Variants in ABAT observed in about 807,000 individuals in gnomAD.
ABAT encodes the protein 4-aminobutyrate aminotransferase, mitochondrial.
ABAT carries 45 observed loss-of-function variants against 64.6 expected under a neutral mutation model. The observed-to-expected ratio is 0.70, with a 90% CI of 0.55 to 0.89. The LOEUF is 0.89. ABAT is among the 40% of genes least tolerant of loss of function. ABAT has a pLI of 0.00. For synonymous variants in ABAT, 297 were observed against 250.5 expected (o/e 1.19, Z -1.75); for missense variants, 633 against 658.4 (o/e 0.96, Z 0.42).
chr16:8,703,963 C>A (rs1338928811), intron 1 of ABAT, among the ~76,000 whole-genome samples: 3 of 152,222 alleles, frequency 2.0e-5, no homozygotes, highest in African/African-American at 7.2e-5. Context: ...GGATCCTTAG[C>A]CTACAGTCTG....
intron 6 of ABAT, among the ~76,000 whole-genome samples, chr16:8,759,103 A>T (rs999908778): frequency 6.6e-6 from 1 of 152,072 alleles, no homozygotes; most frequent in African/African-American, 2.4e-5. Context: ...CTTTATCCCA[A>T]AAAATAATAA....
intron 4 of ABAT, among the ~76,000 whole-genome samples, chr16:8,748,737 A>G (rs1025195999): frequency 6.6e-6 from 1 of 152,010 alleles, no homozygotes; most frequent in Non-Finnish European, 1.5e-5. Context: ...TATAATTGTC[A>G]TATCTTCTTA....
At chr16:8,705,222 G>A (rs2057912705) in intron 1 of ABAT, among the ~76,000 whole-genome samples, 1 of 152,200 alleles carries the variant, frequency 6.6e-6, no homozygotes, top group African/African-American at 2.4e-5. Context: ...ATGGCAGAAA[G>A]TGAAGGGGAA....
chr16:8,763,706 T>G (rs1228226829), intron 6 of ABAT, among the ~76,000 whole-genome samples: 3 of 152,216 alleles, frequency 2.0e-5, no homozygotes, highest in African/African-American at 7.2e-5. Context: ...ACTCTGCCTG[T>G]TTTTTAGCCA....
At chr16:8,743,539 TTATAA>T (rs376266376) in intron 2 of ABAT, among the ~76,000 whole-genome samples, 4,701 of 143,336 alleles carry the variant, frequency 0.033, 265 homozygotes, top group African/African-American at 0.11. Flanking sequence ...TGTATTTTAG[TTATAA>T]TATATTATGT....
intron 2 of ABAT, among the ~76,000 whole-genome samples, chr16:8,742,163 C>A (rs2059181157): frequency 6.6e-6 from 1 of 152,190 alleles, no homozygotes; most frequent in Non-Finnish European, 1.5e-5. Context: ...CCTTTCTTCA[C>A]CACCTCTCCC....
intron 1 of ABAT, among the ~76,000 whole-genome samples, chr16:8,721,367 T>A (rs1311629927): frequency 6.6e-6 from 1 of 152,190 alleles, no homozygotes; most frequent in Non-Finnish European, 1.5e-5. Context: ...CCACTCTTTA[T>A]GGTAATTAAC....
intron 5 of ABAT, among the ~76,000 whole-genome samples, chr16:8,751,585 C>T (rs1225628263): frequency 6.6e-6 from 1 of 152,158 alleles, no homozygotes; most frequent in East Asian, 1.9e-4. Context: ...AAGCAAAGGG[C>T]CTGGCTTTTT....
chr16:8,769,089 TC>T (rs2060027662), intron 11 of ABAT, 116 bp downstream of exon 11: 1 of 1,446,144 alleles, frequency 6.9e-7, no homozygotes, highest in Non-Finnish European at 9.6e-7. Context: ...TGTGCAGTGC[TC>T]CCCCAGAGGG....
rs150204879 is a variant in ABAT at position 8,739,093 on chromosome 16, G to C, written c.70+3284G>C. On this transcript the variant is annotated intron_variant, in intron 2 of 15. Coordinates refer to ENST00000268251, the MANE Select transcript of ABAT (RefSeq NM_020686.6). ...GATGATCCATTCATTCCATAACTAA[G>C]GCTGTTGGGCACCTACTGCATGCCA... Among the ~76,000 whole-genome samples the C allele has an allele frequency of 1.8e-3, 274 of 152,346 alleles. 1 individual carries two copies. Among genetic ancestry groups the C allele is most frequent in the African/African-American group, 6.3e-3 (262 of 41,570 alleles).
intron 2 of ABAT, among the ~76,000 whole-genome samples, chr16:8,740,071 T>G (rs1420084): frequency 6.6e-6 from 1 of 151,276 alleles, no homozygotes; most frequent in Non-Finnish European, 1.5e-5. Context: ...TTTTAACCCA[T>G]TTAGCCCTCA....
intron 1 of ABAT, among the ~76,000 whole-genome samples, chr16:8,680,018 A>C (rs961453221): frequency 6.6e-6 from 1 of 152,116 alleles, no homozygotes; most frequent in Non-Finnish European, 1.5e-5. Flanking sequence ...TGACTCTCCA[A>C]GGGCAAGTTT....
In ABAT at chr16:8,732,500, T is replaced by C. The variant is rs868226960; in HGVS notation, c.-41-3199T>C. Among the ~76,000 whole-genome samples the C allele has an allele frequency of 1.4e-4, 21 of 151,302 alleles. 2 individuals carry two copies. Among genetic ancestry groups the C allele is most frequent in the African/African-American group, 4.9e-4 (20 of 40,708 alleles). On this transcript the variant is annotated intron_variant, in intron 1 of 15. Coordinates refer to ENST00000268251, the MANE Select transcript of ABAT (RefSeq NM_020686.6). ...CGCCCTTAATCCATTTAACCCTGAG[T>C]GGACACAGCACATGTTTCAGAGAGC...
Position 8,768,920 on chromosome 16 carries a change from C to T in ABAT, c.763C>T (p.Leu255=), listed in dbSNP as rs2142977607. 1 of 1,614,186 alleles carries T rather than the reference C, an allele frequency of 6.2e-7. No homozygotes were observed. Among genetic ancestry groups the T allele is most frequent in the East Asian group, 2.2e-5 (1 of 44,868 alleles). ...ACCGTTCCCACGGCTGAAATACCCT[C>T]TGGAAGAGTTTGTGAAAGAGAACCA... is the stretch of plus-strand genomic sequence containing the variant. The part of the protein sequence containing the change: ...IAPFPRLKYP[L]EEFVKENQQE... The change falls in exon 11 of 16, where the codon CTG becomes TTG. Residue 255 remains leucine, a synonymous_variant. Transcript: ENST00000268251.
intron 2 of ABAT, among the ~76,000 whole-genome samples, chr16:8,740,635 C>T (rs1274624347): frequency 6.6e-6 from 1 of 152,198 alleles, no homozygotes; most frequent in East Asian, 1.9e-4. Context: ...CCACCAGGTC[C>T]CTGTGAGGCC....
At chr16:8,729,390 C>T (rs1261893616) in intron 1 of ABAT, among the ~76,000 whole-genome samples, 1 of 152,162 alleles carries the variant, frequency 6.6e-6, no homozygotes, top group African/African-American at 2.4e-5. Context: ...TGGGGTCAGA[C>T]AGTCTCAGGT....
chr16:8,722,997 G>T (rs987929243), intron 1 of ABAT, among the ~76,000 whole-genome samples: 12 of 152,092 alleles, frequency 7.9e-5, no homozygotes, highest in African/African-American at 2.9e-4. Context: ...CCAGCACTCT[G>T]GGAGGCCGAG....
intron 1 of ABAT, among the ~76,000 whole-genome samples, chr16:8,708,977 C>G (rs2058011306): frequency 6.6e-6 from 1 of 152,136 alleles, no homozygotes; most frequent in Non-Finnish European, 1.5e-5. Flanking sequence ...ATGAGTCACG[C>G]CTGGCTACCA....
chr16:8,772,846 A>G lies in ABAT; in HGVS notation c.883A>G (p.Ile295Val). The stretch of plus-strand genomic sequence containing the variant: ...GGTGGCCGGGATCATCGTGGAGCCC[A>G]TCCAGTCCGAGGGTGGAGACAACCA... ...KTVAGIIVEP[I>V]QSEGGDNHAS... The change falls in exon 12 of 16, where the codon ATC becomes GTC. Residue 295 changes from isoleucine (I) to valine (V), a missense_variant. Ile to Val is a conservative substitution (Grantham distance 29). Transcript: ENST00000268251. The G allele has an allele frequency of 3.1e-6, 5 of 1,614,150 alleles. No individual in the cohort carries two copies. The highest frequency in any genetic ancestry group is 4.2e-6 in the Non-Finnish European group (5 of 1,180,030).
Sources: gnomAD v4.1 joint callset for allele counts (sites outside exome capture counted in the v4.1 genomes callset) on GRCh38, gnomAD v4.1.1 for gene constraint, MANE v1.5 for transcripts, NCBI Gene and HGNC (gene_info 2026-07-23, HGNC 2026-07-21) for gene names.